Variants in REEP5 observed in about 807,000 individuals in gnomAD.
REEP5 encodes the protein receptor accessory protein 5, also known as receptor expression-enhancing protein 5.
REEP5 carries 24 observed loss-of-function variants against 22.4 expected under a neutral mutation model. The observed-to-expected ratio is 1.07, with a 90% CI of 0.78 to 1.51. The LOEUF (loss-of-function observed/expected upper bound fraction) is 1.51, where lower values mean the gene tolerates loss of function less well. Among genes scored for constraint, REEP5 ranks in the 40% most tolerant of loss-of-function variants. REEP5 has a pLI of 0.00. For missense variants in REEP5, 252 were observed against 233.0 expected, an observed-to-expected ratio of 1.08 and a Z score of -0.53; for synonymous variants, 103 against 88.6, an observed-to-expected ratio of 1.16 and a Z score of -0.92.
chr5:112,909,185 A>G (rs561838022), intron 2 of REEP5, among the ~76,000 whole-genome samples: 3 of 149,148 alleles, frequency 2.0e-5, no homozygotes, highest in East Asian at 2.0e-4. Context: ...TACTAGATAT[A>G]TGACCCTGGG....
At chr5:112,894,977 GC>G (rs1561652825) in intron 3 of REEP5, 4 of 152,194 alleles carry the variant, frequency 2.6e-5, no homozygotes, top group African/African-American at 9.7e-5. Context: ...AGTGGCTTAC[GC>G]CTGTAATCCC....
chr5:112,894,591 G>A (rs1768621313), intron 3 of REEP5: 1 of 152,216 alleles, frequency 6.6e-6, no homozygotes, highest in Non-Finnish European at 1.5e-5. Context: ...AATATGCAGA[G>A]CATCACAGGG....
At chr5:112,896,883 C>T (rs1198491360) in intron 3 of REEP5, 1 of 152,102 alleles carries the variant, frequency 6.6e-6, no homozygotes, top group African/African-American at 2.4e-5. Flanking sequence ...GAGCAGAGGT[C>T]ACGCCACTGC....
chr5:112,876,457 A>G lies in REEP5; in HGVS notation c.*2329T>C, dbSNP rs1767897578. 1 of 152,216 alleles carries G rather than the reference A, an allele frequency of 6.6e-6. No homozygotes were observed. Among genetic ancestry groups the G allele is most frequent in the South Asian group, 2.1e-4 (1 of 4,830 alleles). 9.4% of individuals were successfully genotyped at this position (152,216 alleles called of 1,614,324 possible). On this transcript the variant is annotated 3_prime_UTR_variant, in exon 5 of 5. Coordinates refer to ENST00000379638, the MANE Select transcript of REEP5 (RefSeq NM_005669.5). ...GTATCACATCTTCAGGATAGGTGAT[A>G]ACAGTGTGAAGGGTGTGCTCATTTT...
chr5:112,879,351 G>T (rs924890593), intron 4 of REEP5, among the ~76,000 whole-genome samples: 2 of 151,542 alleles, frequency 1.3e-5, no homozygotes, highest in African/African-American at 4.9e-5. Flanking sequence ...GGGGGCGGTG[G>T]GGGAGAGGAG....
intron 2 of REEP5, among the ~76,000 whole-genome samples, chr5:112,914,255 T>C (rs1769183222): frequency 6.6e-6 from 1 of 151,152 alleles, no homozygotes. Flanking sequence ...CCCAAGTGTG[T>C]GTGTGTTTTT....
chr5:112,910,732 C>T (rs1227381332), intron 2 of REEP5, among the ~76,000 whole-genome samples: 2 of 152,182 alleles, frequency 1.3e-5, no homozygotes, highest in African/African-American at 4.8e-5. Context: ...AACACTGCTG[C>T]TTCAAAAATC....
chr5:112,902,541 G>GTA (rs1389599426), intron 2 of REEP5, 23 bp from the exon 3 acceptor site: 1 of 1,549,064 alleles, frequency 6.5e-7, no homozygotes, highest in East Asian at 2.3e-5. Context: ...ACAAAAGAAA[G>GTA]TATATCATTT....
At chr5:112,908,713 G>A (rs1258145518) in intron 2 of REEP5, among the ~76,000 whole-genome samples, 1 of 151,450 alleles carries the variant, frequency 6.6e-6, no homozygotes, top group Admixed American at 6.6e-5. Flanking sequence ...CCACGACCAC[G>A]CCAGCTAATT....
chr5:112,888,033 G>A (rs945441390), intron 3 of REEP5, among the ~76,000 whole-genome samples: 2 of 152,106 alleles, frequency 1.3e-5, no homozygotes, highest in African/African-American at 4.8e-5. Flanking sequence ...TAGTTTAAAA[G>A]ATTCTAACCA....
At chr5:112,893,304 G>T (rs1463631028) in intron 3 of REEP5, 9 of 238,276 alleles carry the variant, frequency 3.8e-5, no homozygotes, top group African/African-American at 2.1e-4. Context: ...AAGCTACTTG[G>T]GAAGCTGAGG....
intron 4 of REEP5, chr5:112,885,747 A>C (rs974618339): frequency 3.6e-6 from 1 of 280,098 alleles, no homozygotes; most frequent in Non-Finnish European, 7.5e-6. Context: ...TTAATGAACT[A>C]ATTAATTTTG....
intron 3 of REEP5, among the ~76,000 whole-genome samples, 170 bp downstream of exon 3, chr5:112,902,210 A>G (rs1434370486): frequency 2.3e-5 from 2 of 85,318 alleles, no homozygotes; most frequent in Non-Finnish European, 4.2e-5. Context: ...TTGCTTGAGC[A>G]TTTTTTTGTT....
At chr5:112,896,214 T>G (rs1768676157) in intron 3 of REEP5, 1 of 152,654 alleles carries the variant, frequency 6.6e-6, no homozygotes, top group Non-Finnish European at 1.5e-5. Context: ...TTTAGCCTCC[T>G]ACGAACATTA....
intron 3 of REEP5, among the ~76,000 whole-genome samples, 180 bp downstream of exon 3, chr5:112,902,200 T>C (rs1234085444): frequency 4.7e-5 from 6 of 128,096 alleles, no homozygotes; most frequent in African/African-American, 2.1e-4. Context: ...GGCAAGTGGC[T>C]TGCTTGAGCA....
chr5:112,889,219 G>C (rs183142926), intron 3 of REEP5, among the ~76,000 whole-genome samples: 1 of 149,410 alleles, frequency 6.7e-6, no homozygotes, highest in East Asian at 2.0e-4. Flanking sequence ...CTGGGCAACA[G>C]AGCAAGAGCT....
Position 112,878,415 on chromosome 5 carries a change from G to A in REEP5, c.*371C>T. ...ACATTACAGGAAGTAGAACCATAAAGATTATCCTAAATGTAACTACAGAGA... is the reference window on the plus strand; with the variant it reads ...ACATTACAGGAAGTAGAACCATAAAAATTATCCTAAATGTAACTACAGAGA... On this transcript the variant is annotated 3_prime_UTR_variant, in exon 5 of 5. Coordinates refer to ENST00000379638, the MANE Select transcript of REEP5 (RefSeq NM_005669.5). The A allele has an allele frequency of 4.9e-6, 1 of 203,734 alleles. No homozygotes were observed. The highest frequency in any genetic ancestry group is 1.4e-4 in the South Asian group (1 of 7,132). 12.6% of individuals were successfully genotyped at this position (203,734 alleles called of 1,614,324 possible).
intron 2 of REEP5, among the ~76,000 whole-genome samples, chr5:112,909,612 C>CATT (rs1769046024): frequency 1.3e-5 from 2 of 152,100 alleles, no homozygotes; most frequent in Non-Finnish European, 2.9e-5. Flanking sequence ...ATTTTTCAGG[C>CATT]CCACTCTGCA....
intron 4 of REEP5, among the ~76,000 whole-genome samples, chr5:112,884,198 C>T (rs1768161464): frequency 1.3e-5 from 2 of 152,122 alleles, no homozygotes; most frequent in Admixed American, 6.5e-5. Context: ...AGAGTAGAAG[C>T]CAAACCTTTA....
Sources: allele counts gnomAD v4.1 joint callset (sites outside exome capture counted in the v4.1 genomes callset), GRCh38; gene constraint gnomAD v4.1.1; transcripts MANE v1.5; gene names NCBI Gene and HGNC (gene_info 2026-07-23, HGNC 2026-07-21).